Variants in ERBB4 observed in about 807,000 individuals in gnomAD.
ERBB4 encodes the protein receptor tyrosine-protein kinase erbB-4.
ERBB4 carries 42 observed loss-of-function variants against 158.0 expected under a neutral mutation model. The observed-to-expected ratio is 0.27, with a 90% CI of 0.21 to 0.34. ERBB4 has a LOEUF of 0.34. ERBB4 is among the 10% of genes least tolerant of loss of function. The pLI, the probability that ERBB4 is intolerant of heterozygous loss-of-function variation, is 1.00. For synonymous variants in ERBB4, 583 were observed against 558.7 expected (o/e 1.04, Z -0.61); for missense variants, 1,333 against 1,624.1 (o/e 0.82, Z 3.08).
chr2:211,492,122 A>G (rs953464543), intron 20 of ERBB4, among the ~76,000 whole-genome samples: 1 of 152,074 alleles, frequency 6.6e-6, no homozygotes, highest in Non-Finnish European at 1.5e-5. Flanking sequence ...AATAGGATAT[A>G]TTTACCAGCT....
chr2:211,813,554 G>A (rs1000154259), intron 3 of ERBB4, among the ~76,000 whole-genome samples: 33 of 151,890 alleles, frequency 2.2e-4, no homozygotes, highest in East Asian at 7.7e-4. Flanking sequence ...TTTCTATCCC[G>A]TTTATCTTTG....
At chr2:211,394,006 G>T (rs948901496) in intron 25 of ERBB4, among the ~76,000 whole-genome samples, 6 of 151,994 alleles carry the variant, frequency 3.9e-5, no homozygotes, top group Non-Finnish European at 1.5e-5. Context: ...TTGACTGAGG[G>T]TAAGTAAGCT....
Position 212,137,638 on chromosome 2 carries a change from C to T in ERBB4, c.83-12735G>A, listed in dbSNP as rs184327319. 4.3e-4 allele frequency among the ~76,000 whole-genome samples: 66 copies of T among 152,254 alleles called. 1 individual carries two copies. The highest frequency in any genetic ancestry group is 1.5e-3 in the African/African-American group (64 of 41,560). On this transcript the variant is annotated intron_variant, in intron 1 of 27. Transcript: ENST00000342788. ...TGAACAATACTGCAGTGAACATACA[C>T]GTGCATGTGTCTTTATAACAGAATG...
chr2:211,584,690 G>A (rs951355164), intron 19 of ERBB4, among the ~76,000 whole-genome samples: 1 of 151,842 alleles, frequency 6.6e-6, no homozygotes, highest in African/African-American at 2.4e-5. Context: ...GGTACTTCAT[G>A]TTTAAAAGCT....
intron 3 of ERBB4, among the ~76,000 whole-genome samples, chr2:211,823,394 AG>A (rs2105948312): frequency 6.6e-6 from 1 of 152,054 alleles, no homozygotes; most frequent in East Asian, 1.9e-4. Flanking sequence ...AACCAACATA[AG>A]GGGTAAGCAT....
chr2:211,517,582 C>A (rs1004842114), intron 20 of ERBB4, among the ~76,000 whole-genome samples: 2 of 152,048 alleles, frequency 1.3e-5, no homozygotes, highest in Non-Finnish European at 2.9e-5. Context: ...TGGTCCCTGC[C>A]TTCATAAAAG....
intron 1 of ERBB4, among the ~76,000 whole-genome samples, chr2:212,504,644 TAC>T (rs772709399): frequency 7.2e-5 from 11 of 152,260 alleles, no homozygotes; most frequent in Admixed American, 2.0e-4. Flanking sequence ...AAATTGAAGA[TAC>T]ATAGTCTGAA....
intron 25 of ERBB4, among the ~76,000 whole-genome samples, chr2:211,415,348 T>C (rs1005376579): frequency 6.6e-6 from 1 of 151,810 alleles, no homozygotes; most frequent in Non-Finnish European, 1.5e-5. Context: ...CTCGATCTCC[T>C]GACCTCATGA....
In ERBB4 at chr2:211,947,557, A is replaced by T. The variant is rs1267638434; in HGVS notation, c.294T>A (p.Pro98=). 6.2e-7 allele frequency: 1 copy of T among 1,613,892 alleles called. No homozygotes were observed. Among genetic ancestry groups the T allele is most frequent in the Non-Finnish European group, 8.5e-7 (1 of 1,179,922 alleles). ...CACGAATAATGCGTAAATTCTCCAG[A>T]GGCAGGTAACGAAACTGATTAAGAG... ...LVALNQFRYL[P]LENLRIIRGT... is the part of the protein sequence containing the mutation. Residue 98 remains proline, a synonymous_variant, in exon 3 of 28, where the codon CCT becomes CCA. Coordinates refer to ENST00000342788, the MANE Select transcript of ERBB4 (RefSeq NM_005235.3).
chr2:211,526,988 C>T (rs2066366930), intron 20 of ERBB4, among the ~76,000 whole-genome samples: 1 of 151,894 alleles, frequency 6.6e-6, no homozygotes, highest in African/African-American at 2.4e-5. Context: ...AGTTATTGGC[C>T]TTAATGAGGA....
intron 3 of ERBB4, among the ~76,000 whole-genome samples, chr2:211,789,193 A>C (rs1164682222): frequency 2.6e-5 from 4 of 152,182 alleles, no homozygotes; most frequent in Non-Finnish European, 4.4e-5. Context: ...TTCAATACAA[A>C]AGCAATTTAA....
chr2:211,756,767 T>A (rs756725334), intron 4 of ERBB4, among the ~76,000 whole-genome samples: 1 of 152,212 alleles, frequency 6.6e-6, no homozygotes, highest in Non-Finnish European at 1.5e-5. Flanking sequence ...TATAAGATAA[T>A]GGCTTGGCAT....
At chr2:211,850,664 A>G (rs2077695883) in intron 3 of ERBB4, among the ~76,000 whole-genome samples, 1 of 151,844 alleles carries the variant, frequency 6.6e-6, no homozygotes, top group Non-Finnish European at 1.5e-5. Context: ...GATTAGAAGG[A>G]GCAAGGTGTT....
At chr2:211,772,970 G>T (rs1415582870) in intron 4 of ERBB4, among the ~76,000 whole-genome samples, 12 of 83,392 alleles carry the variant, frequency 1.4e-4, no homozygotes, top group South Asian at 7.1e-4. Flanking sequence ...TTTTTTTAAA[G>T]ATGGGGTCCT....
At chr2:211,523,648 C>T (rs940650562) in intron 20 of ERBB4, among the ~76,000 whole-genome samples, 16 of 151,844 alleles carry the variant, frequency 1.1e-4, no homozygotes, top group Admixed American at 4.6e-4. Context: ...CCGGTGGGCT[C>T]GTGGTCCCGC....
chr2:211,583,203 T>A (rs966728951), intron 19 of ERBB4, among the ~76,000 whole-genome samples: 1 of 152,022 alleles, frequency 6.6e-6, no homozygotes, highest in Non-Finnish European at 1.5e-5. Context: ...ACACAAATAT[T>A]TACTGAGCAC....
At chr2:212,310,609 A>ATGTGTGTG (rs56209146) in intron 1 of ERBB4, among the ~76,000 whole-genome samples, 23 of 143,488 alleles carry the variant, frequency 1.6e-4, no homozygotes, top group South Asian at 6.6e-4. Context: ...ATATATGTAT[A>ATGTGTGTG]TGTGTGTGTG....
intron 1 of ERBB4, among the ~76,000 whole-genome samples, chr2:212,151,706 T>C (rs908581341): frequency 1.3e-5 from 2 of 151,926 alleles, no homozygotes; most frequent in African/African-American, 4.8e-5. Context: ...CTGGACAACA[T>C]GGAGAAACCC....
At chr2:211,741,844 A>G (rs962689847) in intron 5 of ERBB4, among the ~76,000 whole-genome samples, 1 of 152,240 alleles carries the variant, frequency 6.6e-6, no homozygotes, top group African/African-American at 2.4e-5. Context: ...AAGTCATTAA[A>G]TTACAACAAA....
Sources: allele counts gnomAD v4.1 joint callset (sites outside exome capture counted in the v4.1 genomes callset), GRCh38; gene constraint gnomAD v4.1.1; transcripts MANE v1.5; gene names NCBI Gene and HGNC (gene_info 2026-07-23, HGNC 2026-07-21).